The following OPCML variants were observed in gnomAD, a reference collection of about 807,000 sequenced individuals.
OPCML encodes opioid-binding protein/cell adhesion molecule.
In OPCML, 13 loss-of-function variants were observed where a neutral mutation model predicts 37.8. The observed-to-expected ratio is 0.34, with a 90% CI of 0.22 to 0.55. The LOEUF (loss-of-function observed/expected upper bound fraction) is 0.55, where lower values mean the gene tolerates loss of function less well. OPCML is among the 20% of genes least tolerant of loss of function. The pLI is 0.91. For missense variants in OPCML, 341 were observed against 435.6 expected, an observed-to-expected ratio of 0.78 and a Z score of 1.93; for synonymous variants, 176 against 168.8, an observed-to-expected ratio of 1.04 and a Z score of -0.33.
intron 1 of OPCML, among the ~76,000 whole-genome samples, chr11:133,294,316 A>C (rs956539411): frequency 2.6e-5 from 4 of 152,150 alleles, no homozygotes; most frequent in East Asian, 1.9e-4. Flanking sequence ...GCTTGAGATC[A>C]GGGGCTGAAG....
At chr11:133,432,740 G>T (rs939579591) in intron 1 of OPCML, among the ~76,000 whole-genome samples, 1 of 151,980 alleles carries the variant, frequency 6.6e-6, no homozygotes, top group Non-Finnish European at 1.5e-5. Context: ...TACATCCATG[G>T]TTCTCAAACT....
At position 133,382,446 on chromosome 11, in the gene OPCML, C is replaced by A. The variant is rs865933777; in HGVS notation, c.61+149818G>T. On this transcript the variant is annotated intron_variant, in intron 1 of 7. Coordinates refer to ENST00000524381, the MANE Select transcript of OPCML (RefSeq NM_001012393.5). Reference sequence around the variant, plus strand: ...AATCATCTTCCTCTCGTTCCCCATCCCTGAGTCCCCACCCTACCCCAGATG... The same window carrying A: ...AATCATCTTCCTCTCGTTCCCCATCACTGAGTCCCCACCCTACCCCAGATG... 3.3e-5 allele frequency among the ~76,000 whole-genome samples: 5 copies of A among 152,258 alleles called. No homozygotes were observed. The Middle Eastern group carries it at 0.014, about 414-fold the overall frequency.
intron 3 of OPCML, among the ~76,000 whole-genome samples, chr11:132,562,264 T>C (rs934029429): frequency 6.6e-6 from 1 of 151,624 alleles, no homozygotes; most frequent in Non-Finnish European, 1.5e-5. Flanking sequence ...ACAAAAATGA[T>C]AGATTAAAAA....
At chr11:132,483,725 A>C (rs1158771392) in intron 4 of OPCML, among the ~76,000 whole-genome samples, 1 of 152,052 alleles carries the variant, frequency 6.6e-6, no homozygotes, top group African/African-American at 2.4e-5. Context: ...AGAGATATAG[A>C]TCAATGGAAC....
chr11:133,071,302 C>G (rs370205283), intron 1 of OPCML, among the ~76,000 whole-genome samples: 1 of 152,070 alleles, frequency 6.6e-6, no homozygotes, highest in South Asian at 2.1e-4. Context: ...GTGTTTCTTA[C>G]TAGCTCAGCA....
At chr11:132,573,484 A>G (rs935773413) in intron 3 of OPCML, among the ~76,000 whole-genome samples, 1 of 152,054 alleles carries the variant, frequency 6.6e-6, no homozygotes, top group Non-Finnish European at 1.5e-5. Context: ...CATTTTGTCC[A>G]ACACATTCTC....
At chr11:132,893,156 G>A (rs558463429) in intron 2 of OPCML, among the ~76,000 whole-genome samples, 21 of 152,152 alleles carry the variant, frequency 1.4e-4, no homozygotes, top group African/African-American at 5.1e-4. Context: ...GAACCATTTG[G>A]TGGTTCACTT....
chr11:133,070,591 G>C (rs1261529239), intron 1 of OPCML, among the ~76,000 whole-genome samples: 1 of 152,152 alleles, frequency 6.6e-6, no homozygotes, highest in Non-Finnish European at 1.5e-5. Context: ...GTAACGCAAC[G>C]GTGTGGCTAA....
chr11:132,641,256 T>A (rs982303112), intron 3 of OPCML, among the ~76,000 whole-genome samples: 3 of 152,128 alleles, frequency 2.0e-5, no homozygotes. Context: ...CTTAAGGACG[T>A]CAATGCTGGT....
Position 132,943,546 on chromosome 11 carries a change from A to T in OPCML, c.62-536T>A, listed in dbSNP as rs1945658293. 1 of 184,926 alleles carries T rather than the reference A, an allele frequency of 5.4e-6. No homozygotes were observed. The highest frequency in any genetic ancestry group is 2.3e-5 in the African/African-American group (1 of 43,104). The allele number at this position is 184,926 out of a possible 1,614,324, so 11.5% of individuals were successfully genotyped here. A position where few individuals can be genotyped will look rare whatever the true frequency, so the allele number is the denominator to read the frequency against. On this transcript the variant is annotated intron_variant, in intron 1 of 7. Transcript: ENST00000524381. The surrounding 1 kb of genome is among the most constrained non-coding windows in gnomAD (Gnocchi z 4.3). ...TCTCTGACATACAGGAGCTGTCATA[A>T]AAAGCTGCGGCTTCAAGGAGAGGAG...
At chr11:132,912,316 A>G (rs1469465294) in intron 2 of OPCML, among the ~76,000 whole-genome samples, 1 of 152,206 alleles carries the variant, frequency 6.6e-6, no homozygotes, top group Non-Finnish European at 1.5e-5. Flanking sequence ...TAGGTGACCA[A>G]GATAGTTTTG....
intron 2 of OPCML, among the ~76,000 whole-genome samples, chr11:132,691,874 G>A (rs889090077): frequency 1.5e-4 from 23 of 152,158 alleles, no homozygotes; most frequent in African/African-American, 4.6e-4. Context: ...CTATTTCACA[G>A]AGGGGACTTA....
intron 1 of OPCML, among the ~76,000 whole-genome samples, chr11:133,259,577 T>C (rs1282627127): frequency 6.6e-6 from 1 of 152,208 alleles, no homozygotes; most frequent in East Asian, 1.9e-4. Flanking sequence ...AGTATTTCCA[T>C]CTAAGCACAA....
At chr11:133,379,576 TTG>T (rs941991000) in intron 1 of OPCML, among the ~76,000 whole-genome samples, 20 of 152,342 alleles carry the variant, frequency 1.3e-4, no homozygotes, top group African/African-American at 4.8e-4. Context: ...CTTCTTCGCC[TTG>T]TGGGGTATTT....
chr11:133,241,328 C>A (rs570329749), intron 1 of OPCML, among the ~76,000 whole-genome samples: 1 of 152,138 alleles, frequency 6.6e-6, no homozygotes, highest in Non-Finnish European at 1.5e-5. Flanking sequence ...TGAATTATTC[C>A]CGAAAAATGA....
chr11:132,788,205 G>A (rs1937644197), intron 2 of OPCML, among the ~76,000 whole-genome samples: 1 of 152,030 alleles, frequency 6.6e-6, no homozygotes. Context: ...AAGCATCTCT[G>A]AGCTAATATG....
At chr11:133,353,693 A>G (rs1944196141) in intron 1 of OPCML, among the ~76,000 whole-genome samples, 1 of 152,160 alleles carries the variant, frequency 6.6e-6, no homozygotes, top group Non-Finnish European at 1.5e-5. Flanking sequence ...GGCAGGCAGG[A>G]GCCTGCTCTC....
At chr11:133,438,881 G>A (rs1946299197) in intron 1 of OPCML, among the ~76,000 whole-genome samples, 1 of 152,136 alleles carries the variant, frequency 6.6e-6, no homozygotes, top group Non-Finnish European at 1.5e-5. Context: ...GGTTCAGAGT[G>A]CTCCCAGGTT....
intron 2 of OPCML, among the ~76,000 whole-genome samples, chr11:132,848,439 G>T (rs1286324549): frequency 6.6e-6 from 1 of 152,176 alleles, no homozygotes; most frequent in Admixed American, 6.5e-5. Flanking sequence ...CAAGCTCATT[G>T]TGCAACATTC....
Sources: allele counts gnomAD v4.1 joint callset (sites outside exome capture counted in the v4.1 genomes callset), GRCh38; gene constraint gnomAD v4.1.1; non-coding constraint Gnocchi (gnomAD v3.1); transcripts MANE v1.5; gene names NCBI Gene and HGNC (gene_info 2026-07-23, HGNC 2026-07-21).